RARB: variants seen among roughly 807,000 people sequenced by gnomAD.
The protein encoded by RARB is HBV-activated protein.
In RARB, 17 loss-of-function variants were observed where a neutral mutation model predicts 51.9. The observed-to-expected ratio is 0.33, with a 90% CI of 0.22 to 0.49. The LOEUF (loss-of-function observed/expected upper bound fraction) is 0.49. RARB is among the 20% of genes least tolerant of loss of function. The probability of loss-of-function intolerance (pLI) is 0.99; values close to 1 mark genes in which losing one functional copy is unlikely to be tolerated. For missense variants in RARB, 369 were observed against 550.8 expected (o/e 0.67, Z 3.30); for synonymous variants, 215 against 195.4 (o/e 1.10, Z -0.84).
intron 2 of RARB, among the ~76,000 whole-genome samples, chr3:24,999,796 A>C (rs962132149): frequency 2.0e-5 from 3 of 152,076 alleles, no homozygotes. Flanking sequence ...CTCACTCTAT[A>C]TCTTGCCTCT....
chr3:25,532,038 A>C (rs1382108269), intron 3 of RARB, among the ~76,000 whole-genome samples: 1 of 152,132 alleles, frequency 6.6e-6, no homozygotes, highest in Non-Finnish European at 1.5e-5. Flanking sequence ...GAAATGTTTA[A>C]GGCTGAAATA....
chr3:25,179,030 A>T (rs1700811369), intron 5 of RARB, among the ~76,000 whole-genome samples: 1 of 152,184 alleles, frequency 6.6e-6, no homozygotes, highest in Admixed American at 6.5e-5. Flanking sequence ...TTAAAATGCG[A>T]ATTCTTTTCC....
At chr3:25,031,635 C>G (rs907420214) in intron 2 of RARB, among the ~76,000 whole-genome samples, 1 of 152,196 alleles carries the variant, frequency 6.6e-6, no homozygotes, top group Non-Finnish European at 1.5e-5. Context: ...AACTCTTTCT[C>G]TCATCCCCCC....
chr3:25,485,557 A>C (rs1696423691), intron 2 of RARB, among the ~76,000 whole-genome samples: 1 of 152,060 alleles, frequency 6.6e-6, no homozygotes, highest in African/African-American at 2.4e-5. Flanking sequence ...CACTACCTTC[A>C]GACTTGGAAA....
At chr3:25,509,310 G>A (rs146921075) in intron 3 of RARB, among the ~76,000 whole-genome samples, 3 of 152,344 alleles carry the variant, frequency 2.0e-5, no homozygotes, top group East Asian at 3.9e-4. Context: ...ATTTAGCACC[G>A]TGCTTGGCAC....
chr3:25,522,816 CTG>C (rs965598947), intron 3 of RARB, among the ~76,000 whole-genome samples: 8 of 152,104 alleles, frequency 5.3e-5, no homozygotes, highest in Non-Finnish European at 7.4e-5. Flanking sequence ...TATTTTGAAA[CTG>C]TATGTTATGG....
rs113799970 is a variant in RARB at position 25,303,900 on chromosome 3, T to C, written c.178+129325T>C. Among the ~76,000 whole-genome samples, 1,395 of 152,132 alleles carry C rather than the reference T, an allele frequency of 9.2e-3. 23 individuals carry two copies. Among genetic ancestry groups the C allele is most frequent in the African/African-American group, 0.03 (1,265 of 41,482 alleles). On this transcript the variant is annotated intron_variant, in intron 5 of 11. Coordinates refer to the RARB transcript ENST00000383772. ...AATGCAACTGTGGGTGGCCCACAGG[T>C]TTAATGAGGCTTGTGAATATGGCCA...
At chr3:24,931,896 G>A (rs1411517707) in intron 2 of RARB, among the ~76,000 whole-genome samples, 1 of 152,048 alleles carries the variant, frequency 6.6e-6, no homozygotes, top group Non-Finnish European at 1.5e-5. Context: ...GTGACTCTGT[G>A]CTTCTGTTAG....
At chr3:24,839,464 C>T (rs1349426971) in intron 1 of RARB, among the ~76,000 whole-genome samples, 1 of 151,190 alleles carries the variant, frequency 6.6e-6, no homozygotes. Context: ...ACACTTTGGG[C>T]TGAGGTGAGA....
At chr3:25,008,165 G>A (rs753848163) in intron 2 of RARB, among the ~76,000 whole-genome samples, 1 of 152,118 alleles carries the variant, frequency 6.6e-6, no homozygotes, top group Non-Finnish European at 1.5e-5. Flanking sequence ...ACTCATAACA[G>A]TGTTTCGTTT....
Position 25,194,878 on chromosome 3 carries a change from A to G in RARB, c.178+20303A>G, listed in dbSNP as rs115998874. On this transcript the variant is annotated intron_variant, in intron 5 of 11. Transcript: ENST00000383772. ...TCTGTGCCACTTTGAACATTCAGTG[A>G]CATTCTCTTCTTTTCCTGGCTCTGC... Among the ~76,000 whole-genome samples, 661 of 152,076 alleles carry G rather than the reference A, an allele frequency of 4.3e-3. 3 individuals are homozygous for G. Among genetic ancestry groups the G allele is most frequent in the African/African-American group, 0.015 (617 of 41,540 alleles).
intron 5 of RARB, among the ~76,000 whole-genome samples, chr3:25,197,015 G>GT (rs1218144521): frequency 2.6e-5 from 4 of 152,068 alleles, no homozygotes; most frequent in Non-Finnish European, 5.9e-5. Context: ...CATTCTGTAG[G>GT]TTGCCTGTTC....
chr3:25,576,158 T>C (rs1014668279), intron 4 of RARB, among the ~76,000 whole-genome samples: 7 of 151,902 alleles, frequency 4.6e-5, no homozygotes, highest in African/African-American at 1.7e-4. Context: ...CAGAGCTAAG[T>C]TTGAGGAGGT....
chr3:25,080,311 ATT>A (rs1287500212), intron 3 of RARB, among the ~76,000 whole-genome samples: 2 of 152,204 alleles, frequency 1.3e-5, no homozygotes, highest in South Asian at 2.1e-4. Flanking sequence ...TGTATAACAC[ATT>A]TTGTTTATCC....
chr3:25,383,406 A>G (rs574967712), intron 5 of RARB, among the ~76,000 whole-genome samples: 1 of 152,310 alleles, frequency 6.6e-6, no homozygotes, highest in African/African-American at 2.4e-5. Context: ...TGATTTGCTT[A>G]TTAGATTTGG....
chr3:25,564,767 G>A (rs966144868), intron 3 of RARB, among the ~76,000 whole-genome samples: 2 of 152,092 alleles, frequency 1.3e-5, no homozygotes, highest in Admixed American at 6.5e-5. Flanking sequence ...GCTTGACAGT[G>A]TTTGCTCCTC....
chr3:24,920,700 A>T (rs1301406567), intron 2 of RARB, among the ~76,000 whole-genome samples: 1 of 152,120 alleles, frequency 6.6e-6, no homozygotes, highest in Non-Finnish European at 1.5e-5. Flanking sequence ...ATTTCTGGTT[A>T]TGCCACGATG....
chr3:25,245,558 A>C (rs1476360002), intron 5 of RARB, among the ~76,000 whole-genome samples: 1 of 152,152 alleles, frequency 6.6e-6, no homozygotes, highest in Admixed American at 6.5e-5. Context: ...TTCTTCACTT[A>C]TGAAGCTTAG....
chr3:24,990,228 A>G (rs1321521935), intron 2 of RARB, among the ~76,000 whole-genome samples: 1 of 92,988 alleles, frequency 1.1e-5, no homozygotes, highest in African/African-American at 4.3e-5. Flanking sequence ...CACAATGTGC[A>G]GGTTAGTTAC....
Sources: gnomAD v4.1 joint callset for allele counts (sites outside exome capture counted in the v4.1 genomes callset) on GRCh38, gnomAD v4.1.1 for gene constraint, MANE v1.5 for transcripts, NCBI Gene and HGNC (gene_info 2026-07-23, HGNC 2026-07-21) for gene names.